CLASP1: variants seen among roughly 807,000 people sequenced by gnomAD.
CLASP1 encodes CLIP-associating protein 1.
A neutral mutation model predicts 192.3 loss-of-function variants in CLASP1; 38 were observed. The ratio of observed to expected loss-of-function variants is 0.20; its 90% CI spans 0.15 to 0.26. The LOEUF (loss-of-function observed/expected upper bound fraction) is 0.26. Ranked by LOEUF, CLASP1 falls within the 10% of genes least tolerant of loss-of-function variation. The pLI is 1.00. For synonymous variants in CLASP1, 691 were observed against 712.8 expected (o/e 0.97, Z 0.49); for missense variants, 1,433 against 1,932.5 (o/e 0.74, Z 4.85).
intron 19 of CLASP1, among the ~76,000 whole-genome samples, chr2:121,440,109 A>C (rs1283975436): frequency 2.0e-5 from 3 of 151,752 alleles, no homozygotes; most frequent in Non-Finnish European, 4.4e-5. Flanking sequence ...AAAAAAAAAA[A>C]AAAACTAAGC....
intron 8 of CLASP1, among the ~76,000 whole-genome samples, chr2:121,473,240 C>T (rs934907811): frequency 6.6e-6 from 1 of 151,852 alleles, no homozygotes; most frequent in Non-Finnish European, 1.5e-5. Context: ...CATAGACATT[C>T]ATAAGAAAAA....
At chr2:121,369,501 AAAC>A (rs1395380266) in intron 34 of CLASP1, among the ~76,000 whole-genome samples, 1 of 152,166 alleles carries the variant, frequency 6.6e-6, no homozygotes, top group East Asian at 1.9e-4. Context: ...GGTTTAAAAA[AAAC>A]AAAAAAAGAG....
At chr2:121,470,115 G>T in intron 8 of CLASP1, 155 bp from the exon 9 acceptor site, 1 of 693,086 alleles carries the variant, frequency 1.4e-6, no homozygotes, top group Non-Finnish European at 2.5e-6. Flanking sequence ...GGTCTGGAAA[G>T]CCTTAGGTTA....
chr2:121,352,478 T>C (rs1293453564), intron 37 of CLASP1, among the ~76,000 whole-genome samples: 6 of 152,204 alleles, frequency 3.9e-5, no homozygotes, highest in Non-Finnish European at 4.4e-5. Flanking sequence ...GTTTAGACCC[T>C]GGTGTGTACG....
intron 20 of CLASP1, among the ~76,000 whole-genome samples, chr2:121,428,958 A>C (rs1213329361): frequency 6.6e-6 from 1 of 152,148 alleles, no homozygotes; most frequent in African/African-American, 2.4e-5. Flanking sequence ...CCAACATCAC[A>C]CTGGAGCCAG....
intron 33 of CLASP1, among the ~76,000 whole-genome samples, chr2:121,378,692 G>C (rs1178664468): frequency 1.3e-5 from 2 of 152,160 alleles, no homozygotes; most frequent in Non-Finnish European, 2.9e-5. Context: ...TTCAAGAAAA[G>C]ATCAGATGAA....
intron 32 of CLASP1, among the ~76,000 whole-genome samples, chr2:121,384,834 T>C (rs1270268801): frequency 6.6e-6 from 1 of 152,156 alleles, no homozygotes; most frequent in African/African-American, 2.4e-5. Flanking sequence ...TGAGCAGAGA[T>C]CATGCCACTG....
At position 121,363,568 on chromosome 2, in the gene CLASP1, C is replaced by T. The variant is rs1039462453; in HGVS notation, c.4078-268G>A. On this transcript the variant is annotated intron_variant, in intron 36 of 39. Coordinates refer to ENST00000263710, the Ensembl canonical transcript of CLASP1. ...CAGGCACTGAGAAAAGCTACTTGAA[C>T]GAGCCATGCACTTGAGACCAAATGA... Among the ~76,000 whole-genome samples the T allele has an allele frequency of 5.9e-5, 9 of 152,320 alleles. No individual in the cohort carries two copies. The South Asian group carries it at 8.3e-4, about 14-fold the overall frequency.
chr2:121,418,740 G>T lies in CLASP1; in HGVS notation c.2213-11C>A. ...TACGGCTGCTCCGTGCTAGCGTGCAGCATGAAGGGTTTCAGAGAAGGTGAA... is the reference window on the plus strand; with the variant it reads ...TACGGCTGCTCCGTGCTAGCGTGCATCATGAAGGGTTTCAGAGAAGGTGAA... On this transcript the variant is annotated splice_polypyrimidine_tract_variant and intron_variant, in intron 22 of 39. Transcript: ENST00000263710. 6.3e-7 allele frequency: 1 copy of T among 1,588,334 alleles called. No homozygotes were observed. The highest frequency in any genetic ancestry group is 1.7e-4 in the Middle Eastern group (1 of 6,012).
intron 8 of CLASP1, among the ~76,000 whole-genome samples, chr2:121,491,605 T>C (rs2093309155): frequency 6.6e-6 from 1 of 152,196 alleles, no homozygotes; most frequent in Non-Finnish European, 1.5e-5. Context: ...AAGGAAAAAC[T>C]GTAATTTTTG....
At chr2:121,365,339 G>T in intron 35 of CLASP1, 55 bp from the exon 37 acceptor site, 2 of 1,510,854 alleles carry the variant, frequency 1.3e-6, no homozygotes, top group Non-Finnish European at 9.0e-7. Flanking sequence ...CAGCACAGGG[G>T]CTTGCTCAGT....
At chr2:121,432,695 CTTAT>C (rs564732041) in intron 19 of CLASP1, among the ~76,000 whole-genome samples, 31 of 152,030 alleles carry the variant, frequency 2.0e-4, no homozygotes, top group Non-Finnish European at 4.1e-4. Context: ...TTTTTATAGA[CTTAT>C]TTAAAGTTGC....
chr2:121,461,252 C>A, intron 10 of CLASP1, 59 bp from the exon 11 acceptor site: 1 of 912,914 alleles, frequency 1.1e-6, no homozygotes, highest in Non-Finnish European at 1.7e-6. Flanking sequence ...CAGATTATTT[C>A]TTAATTACAT....
intron 2 of CLASP1, among the ~76,000 whole-genome samples, chr2:121,534,674 A>G (rs533422367): frequency 6.6e-6 from 1 of 151,924 alleles, no homozygotes; most frequent in East Asian, 1.9e-4. Context: ...AGTAGCTGGG[A>G]CGTGTTATCA....
intron 30 of CLASP1, among the ~76,000 whole-genome samples, chr2:121,394,228 C>T (rs2074893508): frequency 6.6e-6 from 1 of 152,176 alleles, no homozygotes; most frequent in African/African-American, 2.4e-5. Context: ...AATCAGTTGA[C>T]TTTGAGTTAA....
intron 2 of CLASP1, among the ~76,000 whole-genome samples, chr2:121,559,528 A>T (rs559780776): frequency 6.6e-6 from 1 of 152,360 alleles, no homozygotes; most frequent in East Asian, 1.9e-4. Flanking sequence ...AATTCATGCT[A>T]CAACGTGGGT....
intron 25 of CLASP1, among the ~76,000 whole-genome samples, chr2:121,405,749 A>C (rs1331853962): frequency 1.3e-5 from 2 of 152,266 alleles, no homozygotes; most frequent in Non-Finnish European, 1.5e-5. Flanking sequence ...CTTGAGGAAC[A>C]ATCGTGACAA....
chr2:121,377,913 A>G (rs1178529496), intron 33 of CLASP1, among the ~76,000 whole-genome samples: 7 of 152,204 alleles, frequency 4.6e-5, no homozygotes, highest in African/African-American at 7.2e-5. Flanking sequence ...GAATGCAGGA[A>G]CTCAAAGAGT....
At chr2:121,611,843 AGGCATT>A (rs1445392191) in intron 1 of CLASP1, among the ~76,000 whole-genome samples, 4 of 150,352 alleles carry the variant, frequency 2.7e-5, no homozygotes, top group Admixed American at 6.6e-5. Context: ...CTGGAGGAGG[AGGCATT>A]GGAGGAGTTA....
Sources: gnomAD v4.1 joint callset for allele counts (sites outside exome capture counted in the v4.1 genomes callset) on GRCh38, gnomAD v4.1.1 for gene constraint, MANE v1.5 for transcripts, NCBI Gene and HGNC (gene_info 2026-07-23, HGNC 2026-07-21) for gene names.